ARHGAP15: variants seen among roughly 807,000 people sequenced by gnomAD.
ARHGAP15 encodes the protein rho GTPase-activating protein 15.
Under a neutral mutation model 63.7 loss-of-function variants are expected in ARHGAP15, and 51 were observed. The observed-to-expected ratio is 0.80, with a 90% CI of 0.64 to 1.01. The LOEUF is 1.01. Ranked by LOEUF, ARHGAP15 falls within the 50% of genes least tolerant of loss-of-function variation. ARHGAP15 has a pLI of 0.00. For missense variants in ARHGAP15, 560 were observed against 564.6 expected (o/e 0.99, Z 0.08); for synonymous variants, 191 against 193.8 (o/e 0.99, Z 0.12).
chr2:143,457,591 T>C (rs953201016), intron 8 of ARHGAP15, among the ~76,000 whole-genome samples: 1 of 150,392 alleles, frequency 6.6e-6, no homozygotes, highest in Admixed American at 6.7e-5. Flanking sequence ...TATTGTTGAC[T>C]AATATATATT....
At chr2:143,162,912 C>T (rs11904419) in intron 2 of ARHGAP15, among the ~76,000 whole-genome samples, 35,801 of 151,850 alleles carry the variant, frequency 0.24, 4,376 homozygotes, top group East Asian at 0.44. Flanking sequence ...TGTGCACTCA[C>T]GAACAGGTAA....
chr2:143,358,627 T>C (rs1240511603), intron 6 of ARHGAP15, among the ~76,000 whole-genome samples: 1 of 151,182 alleles, frequency 6.6e-6, no homozygotes, highest in Non-Finnish European at 1.5e-5. Flanking sequence ...CATACATGTC[T>C]ATAAATATGC....
chr2:143,520,747 T>C (rs1306948512), intron 10 of ARHGAP15, among the ~76,000 whole-genome samples: 4 of 152,160 alleles, frequency 2.6e-5, no homozygotes, highest in African/African-American at 9.7e-5. Context: ...AACTAAATTG[T>C]CATCATTTTC....
rs184538673 is a variant in ARHGAP15, at chr2:143,297,407, T to C, written c.474+46807T>C. On this transcript the variant is annotated intron_variant, in intron 6 of 13. Transcript: ENST00000295095. ...TGCACCTTCCTGTAGCAGCCCACAG[T>C]GCAAATGTCATCTTGATAACTCTCT... Among the ~76,000 whole-genome samples, 7 of 152,140 alleles carry C rather than the reference T, an allele frequency of 4.6e-5. No individual in the cohort carries two copies. In the East Asian group the frequency reaches 1.4e-3, roughly 30 times the overall value.
intron 6 of ARHGAP15, among the ~76,000 whole-genome samples, chr2:143,390,170 A>T (rs1056783835): frequency 1.3e-5 from 2 of 152,196 alleles, no homozygotes; most frequent in African/African-American, 4.8e-5. Flanking sequence ...ATTAAAATTT[A>T]TGAACAACTT....
At chr2:143,580,943 C>A (rs756394450) in intron 11 of ARHGAP15, among the ~76,000 whole-genome samples, 17 of 152,246 alleles carry the variant, frequency 1.1e-4, no homozygotes, top group Admixed American at 6.5e-4. Flanking sequence ...ATATACTGAG[C>A]ACTTCCTATG....
At chr2:143,387,006 G>A (rs1258751638) in intron 6 of ARHGAP15, among the ~76,000 whole-genome samples, 1 of 152,088 alleles carries the variant, frequency 6.6e-6, no homozygotes, top group East Asian at 1.9e-4. Flanking sequence ...CTACTTGAGG[G>A]TGGAGGCTGG....
At chr2:143,637,320 T>G (rs1680370085) in intron 12 of ARHGAP15, among the ~76,000 whole-genome samples, 1 of 152,144 alleles carries the variant, frequency 6.6e-6, no homozygotes, top group Non-Finnish European at 1.5e-5. Context: ...CTTATTAATA[T>G]TATACTATTG....
At chr2:143,164,419 T>G (rs960399584) in intron 2 of ARHGAP15, among the ~76,000 whole-genome samples, 1 of 152,090 alleles carries the variant, frequency 6.6e-6, no homozygotes, top group Non-Finnish European at 1.5e-5. Flanking sequence ...CCATCTTCTC[T>G]ATATGAAATC....
chr2:143,497,557 G>A (rs554125424), intron 9 of ARHGAP15, among the ~76,000 whole-genome samples: 13 of 152,252 alleles, frequency 8.5e-5, no homozygotes, highest in African/African-American at 2.9e-4. Context: ...ACGAGCAGTG[G>A]AAGATTCTTC....
intron 3 of ARHGAP15, among the ~76,000 whole-genome samples, chr2:143,210,658 T>C (rs972240610): frequency 6.6e-6 from 1 of 152,244 alleles, no homozygotes; most frequent in South Asian, 2.1e-4. Flanking sequence ...CATGAAAACA[T>C]TGCTCAACAA....
chr2:143,241,026 T>C (rs1169948287), intron 5 of ARHGAP15, among the ~76,000 whole-genome samples: 1 of 152,230 alleles, frequency 6.6e-6, no homozygotes, highest in Non-Finnish European at 1.5e-5. Flanking sequence ...GTTTTAATTA[T>C]GAAGCTTGTC....
intron 6 of ARHGAP15, among the ~76,000 whole-genome samples, chr2:143,291,428 A>G (rs1265266871): frequency 7.7e-6 from 1 of 130,296 alleles, no homozygotes; most frequent in African/African-American, 3.0e-5. Flanking sequence ...TCACAGACAC[A>G]CTCAGGCACA....
intron 6 of ARHGAP15, among the ~76,000 whole-genome samples, chr2:143,275,504 T>G (rs1441311142): frequency 6.6e-6 from 1 of 152,180 alleles, no homozygotes; most frequent in African/African-American, 2.4e-5. Flanking sequence ...CATTAACAAA[T>G]TAACTATTTG....
intron 9 of ARHGAP15, among the ~76,000 whole-genome samples, chr2:143,507,179 G>T (rs1693360883): frequency 6.6e-6 from 1 of 152,034 alleles, no homozygotes; most frequent in African/African-American, 2.4e-5. Context: ...AGTTACCAGT[G>T]CCACAAAGCT....
intron 12 of ARHGAP15, among the ~76,000 whole-genome samples, chr2:143,634,443 G>A (rs1159333558): frequency 6.6e-6 from 1 of 151,980 alleles, no homozygotes; most frequent in Non-Finnish European, 1.5e-5. Flanking sequence ...CTTCACCATG[G>A]CAATTGTAAA....
intron 6 of ARHGAP15, among the ~76,000 whole-genome samples, chr2:143,426,291 C>T (rs1174941875): frequency 6.6e-6 from 1 of 152,112 alleles, no homozygotes; most frequent in Non-Finnish European, 1.5e-5. Context: ...ATAATAGAGG[C>T]TGTGAATCCT....
chr2:143,511,530 G>A (rs552392822), intron 9 of ARHGAP15, among the ~76,000 whole-genome samples: 27 of 152,240 alleles, frequency 1.8e-4, no homozygotes, highest in South Asian at 6.2e-4. Flanking sequence ...GGGAATATAG[G>A]TGGGAAGTCA....
At chr2:143,541,213 G>T (rs1695032675) in intron 10 of ARHGAP15, among the ~76,000 whole-genome samples, 1 of 152,126 alleles carries the variant, frequency 6.6e-6, no homozygotes, top group Non-Finnish European at 1.5e-5. Flanking sequence ...CTTGTGCCAT[G>T]GTTTTCAGCT....
Sources: gnomAD v4.1 joint callset for allele counts (sites outside exome capture counted in the v4.1 genomes callset) on GRCh38, gnomAD v4.1.1 for gene constraint, MANE v1.5 for transcripts, NCBI Gene and HGNC (gene_info 2026-07-23, HGNC 2026-07-21) for gene names.